Variants in DMTF1 observed in about 807,000 individuals in gnomAD.
The protein encoded by DMTF1 is cyclin D binding myb like transcription factor 1.
In DMTF1, 39 loss-of-function variants were observed where a neutral mutation model predicts 91.1. The ratio of observed to expected loss-of-function variants is 0.43; its 90% CI spans 0.33 to 0.56. The LOEUF (loss-of-function observed/expected upper bound fraction) is 0.56, where lower values mean the gene tolerates loss of function less well. DMTF1 is among the 20% of genes least tolerant of loss of function. DMTF1 has a pLI of 0.05. For synonymous variants in DMTF1, 338 were observed against 309.5 expected, an observed-to-expected ratio of 1.09 and a Z score of -0.97; for missense variants, 750 against 914.5, an observed-to-expected ratio of 0.82 and a Z score of 2.32.
At chr7:87,171,175 C>A in intron 5 of DMTF1, 86 bp downstream of exon 5, 2 of 918,298 alleles carry the variant, frequency 2.2e-6, no homozygotes, top group Non-Finnish European at 3.3e-6. Flanking sequence ...CTCAGCCTCC[C>A]AAGTAGCGAG....
At chr7:87,177,120 T>C (rs886584969) in intron 7 of DMTF1, among the ~76,000 whole-genome samples, 14 of 152,138 alleles carry the variant, frequency 9.2e-5, no homozygotes, top group Non-Finnish European at 1.5e-5. Context: ...CATTCAAAAG[T>C]GTATAAAATG....
chr7:87,174,579 G>C lies in DMTF1; in HGVS notation c.443-14G>C, dbSNP rs1201979262. The stretch of plus-strand genomic sequence containing the variant: ...AGTAACATTTTTTATAACATTACTT[G>C]TTTTCTTTTAAAGGACATAAATGGA... On this transcript the variant is annotated splice_polypyrimidine_tract_variant and intron_variant, in intron 6 of 17. Transcript: ENST00000331242. 2 of 1,562,852 alleles carry C rather than the reference G, an allele frequency of 1.3e-6. No individual in the cohort carries two copies. Among genetic ancestry groups the C allele is most frequent in the Non-Finnish European group, 1.7e-6 (2 of 1,143,918 alleles).
chr7:87,194,062 A>C lies in DMTF1; in HGVS notation c.1988A>C (p.Glu663Ala). 1 of 1,610,120 alleles carries C rather than the reference A, an allele frequency of 6.2e-7. No homozygotes were observed. The highest frequency in any genetic ancestry group is 8.5e-7 in the Non-Finnish European group (1 of 1,178,200). Residue 663 changes from glutamate (E) to alanine (A), a missense_variant, in exon 16 of 18, where the codon GAG becomes GCG. Transcript: ENST00000331242. ...ATCTCTGACACCGACCTTAAACAAGAGGAATCACCCTCTGATTTAGCCAGT... is the reference window on the plus strand; with the variant it reads ...ATCTCTGACACCGACCTTAAACAAGCGGAATCACCCTCTGATTTAGCCAGT... ...EEISDTDLKQEESPSDLASAY... is the reference protein window; with the variant it reads ...EEISDTDLKQAESPSDLASAY...
In DMTF1 at chr7:87,193,305, A is replaced by G. The variant is rs1230580762; in HGVS notation, c.1602A>G (p.Thr534=). 6.2e-7 allele frequency: 1 copy of G among 1,613,444 alleles called. No individual in the cohort carries two copies. The highest frequency in any genetic ancestry group is 1.1e-5 in the South Asian group (1 of 91,056). The change falls in exon 15 of 18, where the codon ACA becomes ACG. Residue 534 remains threonine (T), a synonymous_variant. Transcript: ENST00000331242. ...CTGCTAGTCCCACAGTAACCCTGAC[A>G]GCTGCTGCTCCTGCTTCTCCTGAAC... The part of the protein sequence containing the change: ...TLTASPTVTL[T]AAAPASPEQI...
chr7:87,153,074 G>C (rs1389245637), intron 1 of DMTF1: 1 of 152,534 alleles, frequency 6.6e-6, no homozygotes, highest in African/African-American at 2.4e-5. Context: ...GTGGGGGTGG[G>C]TCTCGACCCA....
chr7:87,181,362 CATTA>C, intron 9 of DMTF1, 21 bp downstream of exon 9: 1 of 1,178,998 alleles, frequency 8.5e-7, no homozygotes, highest in Non-Finnish European at 1.2e-6. Context: ...AAGTTTTTTT[CATTA>C]ATTCTAATTT....
chr7:87,189,908 G>A (rs1183895359), intron 13 of DMTF1, among the ~76,000 whole-genome samples: 1 of 151,998 alleles, frequency 6.6e-6, no homozygotes, highest in Non-Finnish European at 1.5e-5. Context: ...GTGATCTTAT[G>A]GATCCATCAA....
At position 87,181,316 on chromosome 7, in the gene DMTF1, C is replaced by A. The variant is rs759146245; in HGVS notation, c.685C>A (p.Pro229Thr). ...DDRNHVGKYTPEEIEKLKELR... is the reference protein window; with the variant it reads ...DDRNHVGKYTTEEIEKLKELR... Reference sequence around the variant, plus strand: ...ATTTCTCTGAATTTCTAGATATACACCTGAAGAAATTGAGAAGCTCAAGGA... The same window carrying A: ...ATTTCTCTGAATTTCTAGATATACAACTGAAGAAATTGAGAAGCTCAAGGA... Residue 229 changes from proline to threonine, a missense_variant, in exon 9 of 18, where the codon CCT becomes ACT. Around this residue, in one of 3 missense-constraint regions of DMTF1, gnomAD observed 190 missense variants for 343.8 expected, o/e 0.55. Coordinates refer to ENST00000331242, the MANE Select transcript of DMTF1 (RefSeq NM_001142327.2). 5 of 1,284,390 alleles carry A rather than the reference C, an allele frequency of 3.9e-6. No homozygotes were observed. In the Admixed American group the frequency reaches 5.9e-5, roughly 15 times the overall value. The allele number at this position is 1,284,390 out of a possible 1,614,324, so 79.6% of individuals were successfully genotyped here.
chr7:87,193,481 A>T (rs1399852564), intron 15 of DMTF1, 128 bp downstream of exon 15: 1 of 969,938 alleles, frequency 1.0e-6, no homozygotes, highest in Non-Finnish European at 1.6e-6. Flanking sequence ...ACAGTGTTAT[A>T]CACCATCACT....
chr7:87,157,729 TC>T (rs1791135488), intron 1 of DMTF1, among the ~76,000 whole-genome samples: 1 of 152,088 alleles, frequency 6.6e-6, no homozygotes, highest in Non-Finnish European at 1.5e-5. Context: ...TTTTCGTTCT[TC>T]CAGGCTATAG....
At chr7:87,193,147 A>T (rs773989039) in intron 14 of DMTF1, 51 bp from the exon 15 acceptor site, 6 of 1,594,676 alleles carry the variant, frequency 3.8e-6, no homozygotes, top group Admixed American at 3.4e-5. Context: ...CCGTTTTTGT[A>T]TATAAAAGTA....
At chr7:87,183,720 T>C (rs1797847268) in intron 10 of DMTF1, among the ~76,000 whole-genome samples, 1 of 152,190 alleles carries the variant, frequency 6.6e-6, no homozygotes. Flanking sequence ...ATGGCTTTTT[T>C]CCCTTTCTGT....
intron 4 of DMTF1, among the ~76,000 whole-genome samples, chr7:87,168,703 T>C (rs1157851428): frequency 1.3e-5 from 2 of 152,180 alleles, no homozygotes; most frequent in Non-Finnish European, 2.9e-5. Flanking sequence ...TTGAAAAGTA[T>C]TAGAGAAAAA....
chr7:87,191,469 AAAGGATCCACCT>A (rs1307899627), intron 14 of DMTF1, among the ~76,000 whole-genome samples: 2 of 152,166 alleles, frequency 1.3e-5, no homozygotes, highest in Non-Finnish European at 2.9e-5. Context: ...CACAGTTACC[AAAGGATCCACCT>A]AAGAGAAATG....
chr7:87,193,000 A>G, intron 14 of DMTF1, 198 bp from the exon 15 acceptor site: 1 of 574,974 alleles, frequency 1.7e-6, no homozygotes, highest in Admixed American at 3.0e-5. Flanking sequence ...AGACCATAGA[A>G]ATACACAGGA....
At chr7:87,162,101 A>G (rs148083517) in intron 1 of DMTF1, among the ~76,000 whole-genome samples, 1 of 152,138 alleles carries the variant, frequency 6.6e-6, no homozygotes, top group African/African-American at 2.4e-5. Context: ...CATAAGTTTT[A>G]TTTTTTGCTT....
At chr7:87,164,183 A>C (rs1417667482) in intron 2 of DMTF1, 3 of 152,148 alleles carry the variant, frequency 2.0e-5, no homozygotes, top group Non-Finnish European at 4.4e-5. Context: ...AACCTCCTTA[A>C]ACCTTATAAG....
intron 2 of DMTF1, 79 bp from the exon 3 acceptor site, chr7:87,164,855 A>G (rs893155704): frequency 3.3e-5 from 24 of 721,648 alleles, no homozygotes; most frequent in Middle Eastern, 3.9e-4. Flanking sequence ...TGTGTGTGGT[A>G]TTTCAGGGGA....
intron 4 of DMTF1, among the ~76,000 whole-genome samples, chr7:87,169,197 G>A (rs1344220396): frequency 6.6e-6 from 1 of 152,196 alleles, no homozygotes; most frequent in Non-Finnish European, 1.5e-5. Flanking sequence ...GGTGGCTCAT[G>A]CCTATAATCC....
Sources: gnomAD v4.1 joint callset for allele counts (sites outside exome capture counted in the v4.1 genomes callset) on GRCh38, gnomAD v4.1.1 for gene constraint, gnomAD v4.1.1 regional missense constraint, MANE v1.5 for transcripts, NCBI Gene and HGNC (gene_info 2026-07-23, HGNC 2026-07-21) for gene names.